Variants in CALD1 observed in about 807,000 individuals in gnomAD.
The protein encoded by CALD1 is caldesmon.
In CALD1, 33 loss-of-function variants were observed where a neutral mutation model predicts 99.9. The observed-to-expected ratio is 0.33, with a 90% CI of 0.25 to 0.44. CALD1 has a LOEUF of 0.44. Ranked by LOEUF, CALD1 falls within the 20% of genes least tolerant of loss-of-function variation. CALD1 has a pLI of 1.00. For synonymous variants in CALD1, 310 were observed against 325.0 expected, an observed-to-expected ratio of 0.95 and a Z score of 0.50; for missense variants, 861 against 962.1, an observed-to-expected ratio of 0.89 and a Z score of 1.39.
At chr7:134,750,472 A>G (rs937036477) in intron 1 of CALD1, among the ~76,000 whole-genome samples, 3 of 152,194 alleles carry the variant, frequency 2.0e-5, no homozygotes, top group Admixed American at 6.5e-5. Context: ...TTACCGCTAG[A>G]ATTGTATTTG....
intron 3 of CALD1, among the ~76,000 whole-genome samples, chr7:134,887,642 ATGTC>A (rs1005004463): frequency 9.1e-5 from 13 of 143,150 alleles, no homozygotes; most frequent in South Asian, 2.2e-4. Flanking sequence ...GTGTACATGC[ATGTC>A]TGTATGTGTG....
intron 3 of CALD1, among the ~76,000 whole-genome samples, chr7:134,887,396 G>A (rs1382854248): frequency 6.6e-6 from 1 of 152,156 alleles, no homozygotes; most frequent in Non-Finnish European, 1.5e-5. Context: ...GGGAACAGCT[G>A]TCTAGGCAAG....
intron 3 of CALD1, among the ~76,000 whole-genome samples, chr7:134,878,819 A>T (rs79846815): frequency 0.017 from 2,619 of 151,880 alleles, 34 homozygotes; most frequent in Non-Finnish European, 0.029. Flanking sequence ...AATAAAAAAA[A>T]TAGCTGGATG....
the CALD1 span, among the ~76,000 whole-genome samples, chr7:134,738,205 C>G: frequency 6.6e-6 from 1 of 152,192 alleles, no homozygotes. Context: ...CTCTGTGACT[C>G]ACTCCAATTC....
intron 1 of CALD1, among the ~76,000 whole-genome samples, chr7:134,762,176 G>A (rs773243556): frequency 6.6e-6 from 1 of 152,210 alleles, no homozygotes; most frequent in Admixed American, 6.5e-5. Flanking sequence ...CTGGTCCAAA[G>A]CCCACCAGCC....
intron 3 of CALD1, among the ~76,000 whole-genome samples, chr7:134,905,051 C>T (rs1036147063): frequency 1.6e-4 from 24 of 152,200 alleles, no homozygotes; most frequent in African/African-American, 5.3e-4. Flanking sequence ...AACAAGGGAA[C>T]ACAAAGAGGA....
At chr7:134,789,529 T>C (rs1797439465) in intron 1 of CALD1, among the ~76,000 whole-genome samples, 2 of 152,234 alleles carry the variant, frequency 1.3e-5, no homozygotes, top group African/African-American at 4.8e-5. Flanking sequence ...TCCTCCACTT[T>C]GTAGTTGTCA....
chr7:134,833,821 T>A (rs1037641734), intron 1 of CALD1, among the ~76,000 whole-genome samples: 1 of 152,178 alleles, frequency 6.6e-6, no homozygotes, highest in African/African-American at 2.4e-5. Flanking sequence ...GCAACTCCCA[T>A]TTAATAACTG....
intron 2 of CALD1, among the ~76,000 whole-genome samples, chr7:134,850,783 C>G (rs992409816): frequency 6.6e-6 from 1 of 152,176 alleles, no homozygotes; most frequent in African/African-American, 2.4e-5. Flanking sequence ...ACTCAAATCT[C>G]ACCTTGAGTT....
rs1805920035 is a variant in CALD1 at position 134,935,740 on chromosome 7, A to G, written c.1361A>G (p.Asp454Gly). Reference sequence around the variant, plus strand: ...GCTAAAAGAGAAAAGCTCCAAGAAGACAAGCCTACCTTCAAAAAAGAAGAG... The same window carrying G: ...GCTAAAAGAGAAAAGCTCCAAGAAGGCAAGCCTACCTTCAAAAAAGAAGAG... ...VQAKREKLQE[D>G]KPTFKKEEIK... Residue 454 changes from aspartate (D) to glycine (G), a missense_variant, in exon 6 of 15, where the codon GAC becomes GGC. Physicochemically the swap from Asp to Gly is moderately conservative, Grantham distance 94. This residue lies in a region of CALD1 where 293 missense variants were observed against 262.7 expected (regional missense o/e 1.12). Coordinates refer to ENST00000361675, the MANE Select transcript of CALD1 (RefSeq NM_033138.4). 2 of 1,599,960 alleles carry G rather than the reference A, an allele frequency of 1.3e-6. No individual in the cohort carries two copies. The highest frequency in any genetic ancestry group is 1.7e-6 in the Non-Finnish European group (2 of 1,174,812).
At chr7:134,744,506 G>C (rs900659265) in intron 1 of CALD1, 2 of 151,172 alleles carry the variant, frequency 1.3e-5, no homozygotes, top group African/African-American at 4.9e-5. Context: ...GAAAGAATGA[G>C]AGAGAGCAAG....
intron 1 of CALD1, among the ~76,000 whole-genome samples, chr7:134,781,205 A>G (rs1797091009): frequency 1.3e-5 from 2 of 152,218 alleles, no homozygotes; most frequent in African/African-American, 4.8e-5. Flanking sequence ...CTATTTTCAC[A>G]GTGTTTTTAA....
intron 3 of CALD1, among the ~76,000 whole-genome samples, chr7:134,924,433 A>C (rs1375062344): frequency 1.3e-5 from 2 of 152,150 alleles, no homozygotes; most frequent in African/African-American, 4.8e-5. Context: ...GAAGCTCACC[A>C]TGAGGGAGAG....
chr7:134,934,727 C>T (rs926377880), intron 5 of CALD1, among the ~76,000 whole-genome samples: 14 of 151,930 alleles, frequency 9.2e-5, no homozygotes, highest in Admixed American at 9.2e-4. Context: ...ACTAAAAATA[C>T]AAAATTAGCT....
chr7:134,730,227 C>CA, the CALD1 span, among the ~76,000 whole-genome samples: 34 of 151,032 alleles, frequency 2.3e-4, no homozygotes, highest in South Asian at 7.2e-3. Context: ...CTCCCTCCCT[C>CA]CTTTCCTCCC....
At chr7:134,911,926 A>T (rs1357046098) in intron 3 of CALD1, among the ~76,000 whole-genome samples, 2 of 152,210 alleles carry the variant, frequency 1.3e-5, no homozygotes, top group African/African-American at 2.4e-5. Context: ...GAACAACCAC[A>T]GAGATTTCAG....
chr7:134,928,176 A>C, intron 3 of CALD1: 1 of 218,548 alleles, frequency 4.6e-6, no homozygotes, highest in Non-Finnish European at 1.0e-5. Context: ...TCACGCCTGT[A>C]ATCCCAGCAC....
chr7:134,766,519 G>A (rs935690140), intron 1 of CALD1, among the ~76,000 whole-genome samples: 2 of 152,190 alleles, frequency 1.3e-5, no homozygotes, highest in Non-Finnish European at 2.9e-5. Context: ...CATCAGGACT[G>A]AGAAAAGTTT....
At position 134,748,508 on chromosome 7, in the gene CALD1, G is replaced by A. The variant is rs563284234; in HGVS notation, c.-130+4145G>A. On this transcript the variant is annotated intron_variant, in intron 1 of 13. Coordinates refer to the CALD1 transcript ENST00000417172. ...GTGGATCACCTGAGGTCAGGAGTTCGAGACCAGCCTGGCCAACATGGTGAA... is the reference window on the plus strand; with the variant it reads ...GTGGATCACCTGAGGTCAGGAGTTCAAGACCAGCCTGGCCAACATGGTGAA... 1.2e-3 allele frequency among the ~76,000 whole-genome samples: 183 copies of A among 152,180 alleles called. 7 individuals carry two copies. In the South Asian group the frequency reaches 0.035, roughly 29 times the overall value.
Sources: allele counts gnomAD v4.1 joint callset (sites outside exome capture counted in the v4.1 genomes callset), GRCh38; gene constraint gnomAD v4.1.1; regional missense constraint gnomAD v4.1.1; transcripts MANE v1.5; gene names NCBI Gene and HGNC (gene_info 2026-07-23, HGNC 2026-07-21).